NPHP4: variants seen among roughly 807,000 people sequenced by gnomAD.
The protein encoded by NPHP4 is nephrocystin 4.
In NPHP4, 151 loss-of-function variants were observed where a neutral mutation model predicts 155.8. The observed-to-expected ratio is 0.97, with a 90% CI of 0.85 to 1.11. The LOEUF is 1.11. NPHP4 is among the 50% of genes least tolerant of loss of function. The pLI is 0.00. For synonymous variants in NPHP4, 845 were observed against 816.8 expected (o/e 1.03, Z -0.59); for missense variants, 1,956 against 1,925.7 (o/e 1.02, Z -0.29).
rs1377352012 is a variant in NPHP4, at chr1:5,910,506, C to T, written c.1442-1293G>A. ...TCTGCTGCCATGAAGGTTGGGCAAA[C>T]GAATCTCCTATATGTCCTGGTATCC... On this transcript the variant is annotated intron_variant, in intron 11 of 29. Coordinates refer to ENST00000378156, the MANE Select transcript of NPHP4 (RefSeq NM_015102.5). This position sits in a 1 kb window ranked among gnomAD's most constrained non-coding sequence, Gnocchi z 5.4. 1.3e-5 allele frequency among the ~76,000 whole-genome samples: 2 copies of T among 152,102 alleles called. No individual in the cohort carries two copies. The highest frequency in any genetic ancestry group is 2.9e-5 in the Non-Finnish European group (2 of 68,030).
chr1:5,922,340 T>G (rs931139193), intron 11 of NPHP4, among the ~76,000 whole-genome samples: 9 of 152,246 alleles, frequency 5.9e-5, no homozygotes, highest in African/African-American at 2.2e-4. Flanking sequence ...TAATTTGTTG[T>G]AACAGCAACC....
At chr1:5,894,419 C>T (rs1300711839) in intron 16 of NPHP4, among the ~76,000 whole-genome samples, 1 of 150,676 alleles carries the variant, frequency 6.6e-6, no homozygotes, top group Non-Finnish European at 1.5e-5. Context: ...CACTGCATTC[C>T]AGCCTGGGCT....
chr1:5,957,825 T>C (rs1331553194), intron 6 of NPHP4, among the ~76,000 whole-genome samples: 3 of 152,220 alleles, frequency 2.0e-5, no homozygotes, highest in Non-Finnish European at 4.4e-5. Flanking sequence ...TAAGCAGGAA[T>C]GAAAATGACT....
intron 16 of NPHP4, among the ~76,000 whole-genome samples, chr1:5,894,264 A>G (rs1325337453): frequency 1.3e-5 from 2 of 152,114 alleles, no homozygotes; most frequent in Non-Finnish European, 2.9e-5. Flanking sequence ...TGCCAGCCTG[A>G]GCAACATGGT....
chr1:5,949,530 CGACAATAACA>C (rs1162047437), intron 7 of NPHP4, among the ~76,000 whole-genome samples: 4 of 151,884 alleles, frequency 2.6e-5, no homozygotes, highest in Non-Finnish European at 5.9e-5. Flanking sequence ...CACAGGAGAC[CGACAATAACA>C]GATAAGAAGG....
chr1:5,880,054 T>C (rs1643106542), intron 19 of NPHP4, 60 bp downstream of exon 19: 2 of 1,597,228 alleles, frequency 1.3e-6, no homozygotes, highest in Non-Finnish European at 1.7e-6. Flanking sequence ...CACGCAGTCT[T>C]CCACCTCTCA....
intron 6 of NPHP4, among the ~76,000 whole-genome samples, chr1:5,960,554 C>T (rs1263179585): frequency 3.9e-5 from 6 of 152,132 alleles, no homozygotes; most frequent in Non-Finnish European, 7.4e-5. Context: ...AGGTCAAATC[C>T]TGCTCTTCCT....
chr1:5,916,728 G>C (rs1397852615), intron 11 of NPHP4, among the ~76,000 whole-genome samples: 1 of 152,262 alleles, frequency 6.6e-6, no homozygotes, highest in Non-Finnish European at 1.5e-5. Flanking sequence ...AGTCAAGCTA[G>C]GCCGGGTGCA....
intron 6 of NPHP4, among the ~76,000 whole-genome samples, chr1:5,960,997 T>C (rs1650220487): frequency 6.6e-6 from 1 of 152,204 alleles, no homozygotes; most frequent in African/African-American, 2.4e-5. Context: ...GACTGGAATA[T>C]CATCCAGCCT....
At chr1:5,868,838 CCACACACGCATG>C (rs1459437723) in intron 23 of NPHP4, among the ~76,000 whole-genome samples, 1 of 124,026 alleles carries the variant, frequency 8.1e-6, no homozygotes, top group Non-Finnish European at 1.7e-5. Context: ...ACACACGCAC[CCACACACGCATG>C]CACACACATA....
rs1643999558 is a variant in NPHP4, at chr1:5,889,468, G to C, written c.2304+1400C>G. On this transcript the variant is annotated intron_variant, in intron 17 of 29. Transcript: ENST00000378156. This position sits in a 1 kb window ranked among gnomAD's most constrained non-coding sequence, Gnocchi z 4.2. ...CAAGCGTAACGGCACTTGTTTAAGG[G>C]GCTCTTCGTGTAGGGGGAGATCAAA... Among the ~76,000 whole-genome samples, 1 of 152,188 alleles carries C rather than the reference G, an allele frequency of 6.6e-6. No homozygotes were observed. The highest frequency in any genetic ancestry group is 2.1e-4 in the South Asian group (1 of 4,832).
chr1:5,918,201 G>A (rs1173556705), intron 11 of NPHP4, among the ~76,000 whole-genome samples: 1 of 152,192 alleles, frequency 6.6e-6, no homozygotes, highest in Admixed American at 6.5e-5. Flanking sequence ...GCTCTGCCAT[G>A]GACAAGACCC....
In NPHP4 at chr1:5,887,327, G is replaced by A. The variant is rs202165848; in HGVS notation, c.2444C>T (p.Ser815Leu). The A allele has an allele frequency of 1.4e-5, 22 of 1,613,422 alleles. No homozygotes were observed. Among genetic ancestry groups the A allele is most frequent in the Middle Eastern group, 1.6e-4 (1 of 6,084 alleles). ...FGRVKPIGVH[S>L]VVKGRLHLTL... The stretch of plus-strand genomic sequence containing the variant: ...CAGGTGCAGCCGGCCCTTCACCACC[G>A]AGTGGACGCCGATGGGCTTGACGCG... The change falls in exon 18 of 30, where the codon TCG (serine) becomes TTG (leucine). Residue 815 changes from serine to leucine, a missense_variant. Coordinates refer to ENST00000378156, the MANE Select transcript of NPHP4 (RefSeq NM_015102.5).
chr1:5,943,982 G>GCACCACATGCTTCT (rs1557795067), intron 9 of NPHP4, among the ~76,000 whole-genome samples: 1 of 151,878 alleles, frequency 6.6e-6, no homozygotes, highest in Non-Finnish European at 1.5e-5. Flanking sequence ...TGCAGGGAGC[G>GCACCACATGCTTCT]CACCACATGC....
At chr1:5,941,219 T>C (rs904706102) in intron 9 of NPHP4, among the ~76,000 whole-genome samples, 14 of 134,448 alleles carry the variant, frequency 1.0e-4, no homozygotes, top group Non-Finnish European at 4.5e-5. Context: ...TAAGTGGTAG[T>C]GGGACCAGAT....
At position 5,927,726 on chromosome 1, in the gene NPHP4, A is replaced by G; in HGVS notation, c.1364T>C (p.Leu455Pro). ...FQFSLGSEEH[L>P]DAPTEPVSGP... ...ACTGACAGGCTCCGTGGGTGCATCC[A>G]GGTGTTCTTCTGAGCCCAGCGAGAA... Residue 455 changes from leucine to proline, a missense_variant, in exon 11 of 30, where the codon CTG (leucine) becomes CCG (proline). By Grantham distance (98) the Leu-to-Pro change is moderately conservative. Coordinates refer to ENST00000378156, the MANE Select transcript of NPHP4 (RefSeq NM_015102.5). 1 of 1,613,604 alleles carries G rather than the reference A, an allele frequency of 6.2e-7. No homozygotes were observed. Among genetic ancestry groups the G allele is most frequent in the East Asian group, 2.2e-5 (1 of 44,848 alleles).
At position 5,863,232 on chromosome 1, in the gene NPHP4, G is replaced by A. The variant is rs1557574658; in HGVS notation, c.*33C>T. 1.2e-6 allele frequency: 2 copies of A among 1,613,362 alleles called. No individual in the cohort carries two copies. The highest frequency in any genetic ancestry group is 4.5e-5 in the East Asian group (2 of 44,864). ...GGAGGGGCACAGACAGGCCCCAGCTGGGTGCCGCAGGAAGGACGTCACCCT... is the reference window on the plus strand; with the variant it reads ...GGAGGGGCACAGACAGGCCCCAGCTAGGTGCCGCAGGAAGGACGTCACCCT... On this transcript the variant is annotated 3_prime_UTR_variant, in exon 30 of 30. Coordinates refer to ENST00000378156, the MANE Select transcript of NPHP4 (RefSeq NM_015102.5).
intron 19 of NPHP4, 98 bp from the exon 20 acceptor site, chr1:5,877,396 G>C (rs1288319554): frequency 6.4e-6 from 6 of 941,780 alleles, no homozygotes; most frequent in Middle Eastern, 2.5e-4. Flanking sequence ...TATATAGGGA[G>C]GGAGCTCAAG....
chr1:5,941,738 C>A (rs981751018), intron 9 of NPHP4, among the ~76,000 whole-genome samples: 4 of 152,244 alleles, frequency 2.6e-5, no homozygotes, highest in Non-Finnish European at 5.9e-5. Flanking sequence ...CCGGCCAAAT[C>A]TGGGACAATT....
Sources: allele counts gnomAD v4.1 joint callset (sites outside exome capture counted in the v4.1 genomes callset), GRCh38; gene constraint gnomAD v4.1.1; non-coding constraint Gnocchi (gnomAD v3.1); transcripts MANE v1.5; gene names NCBI Gene and HGNC (gene_info 2026-07-23, HGNC 2026-07-21).